ZNF561: variants seen among roughly 807,000 people sequenced by gnomAD.
The protein encoded by ZNF561 is zinc finger protein 561.
ZNF561 carries 16 observed loss-of-function variants against 16.7 expected under a neutral mutation model. The ratio of observed to expected loss-of-function variants is 0.96; its 90% CI spans 0.65 to 1.45. The LOEUF is 1.45. Ranked by LOEUF, ZNF561 falls within the 40% of genes most tolerant of loss-of-function variation. The pLI is 0.00. For synonymous variants in ZNF561, 190 were observed against 192.1 expected (o/e 0.99, Z 0.09); for missense variants, 580 against 578.0 (o/e 1.00, Z -0.04).
At position 9,621,146 on chromosome 19, in the gene ZNF561, A is replaced by G. The variant is rs1299604785; in HGVS notation, c.-127+16T>C. Reference sequence around the variant, plus strand: ...CCCCCTGCTATCCCCGGGACCGCCAAGGAGGTGGAACTCACCACAGCCTGG... The same window carrying G: ...CCCCCTGCTATCCCCGGGACCGCCAGGGAGGTGGAACTCACCACAGCCTGG... On this transcript the variant is annotated intron_variant, in intron 1 of 5. Transcript: ENST00000302851. The G allele has an allele frequency of 6.5e-6, 1 of 152,842 alleles. No homozygotes were observed. The highest frequency in any genetic ancestry group is 1.5e-5 in the Non-Finnish European group (1 of 68,238). 9.5% of individuals were successfully genotyped at this position (152,842 alleles called of 1,614,324 possible).
In ZNF561 at chr19:9,611,152, T is replaced by G. The variant is rs756580820; in HGVS notation, c.509A>C (p.Lys170Thr). 8 of 1,614,014 alleles carry G rather than the reference T, an allele frequency of 5.0e-6. No homozygotes were observed. The South Asian group carries it at 6.6e-5, about 13-fold the overall frequency. The change falls in exon 6 of 6, where the codon AAA (lysine) becomes ACA (threonine). Residue 170 changes from lysine (K) to threonine (T), a missense_variant. Lys to Thr is a moderately conservative substitution (Grantham distance 78). Transcript: ENST00000302851. ...AAAGACTTTTCCACATGGATTAAAT[T>G]TGGAAAGTTCCTGTCCAGTAGAGGC... The part of the protein sequence containing the change: ...KEASTGQELS[K>T]FNPCGKVFTL...
chr19:9,618,180 C>T lies in ZNF561; in HGVS notation c.26-1G>A, dbSNP rs536977505. 7.7e-6 allele frequency: 12 copies of T among 1,550,494 alleles called. No homozygotes were observed. In the East Asian group the frequency reaches 2.4e-4, roughly 32 times the overall value. On this transcript the variant is annotated splice_acceptor_variant, in intron 2 of 5. Coordinates refer to ENST00000302851, the MANE Select transcript of ZNF561 (RefSeq NM_152289.3). LOFTEE classifies it high-confidence loss of function. ...CAGATTGGTTCCCTGGAAAAAAACC[C>T]TAGTGGAAAAGTAAGAAGGCATGAG...
Position 9,619,515 on chromosome 19 carries a change from G to A in ZNF561, c.-59C>T, listed in dbSNP as rs2074620687. 7 of 1,596,654 alleles carry A rather than the reference G, an allele frequency of 4.4e-6. No individual in the cohort carries two copies. In the East Asian group the frequency reaches 1.1e-4, roughly 26 times the overall value. ...CTTCCTTGATGCCAAGATCACCTCA[G>A]GCCAGCTTATGAATCTAGGTGGATA... On this transcript the variant is annotated 5_prime_UTR_variant, in exon 2 of 6. Coordinates refer to ENST00000302851, the MANE Select transcript of ZNF561 (RefSeq NM_152289.3).
intron 3 of ZNF561, chr19:9,617,686 G>A (rs1314657396): frequency 2.2e-6 from 1 of 457,198 alleles, no homozygotes. Flanking sequence ...CTTGATCTCA[G>A]CACAACCAGG....
intron 4 of ZNF561, 129 bp from the exon 5 acceptor site, chr19:9,614,232 G>T: frequency 8.5e-7 from 1 of 1,181,024 alleles, no homozygotes; most frequent in Non-Finnish European, 1.2e-6. Context: ...GAGGATTTTG[G>T]TACATCAAAA....
intron 5 of ZNF561, among the ~76,000 whole-genome samples, chr19:9,611,969 C>T (rs1227248487): frequency 6.6e-6 from 1 of 152,134 alleles, no homozygotes; most frequent in Non-Finnish European, 1.5e-5. Context: ...GCTCTGTAGC[C>T]CAGGCTGGAG....
Position 9,610,352 on chromosome 19 carries a change from T to G in ZNF561, c.1309A>C (p.Asn437His), listed in dbSNP as rs1278127541. 1.2e-6 allele frequency: 2 copies of G among 1,614,048 alleles called. No homozygotes were observed. The highest frequency in any genetic ancestry group is 1.7e-6 in the Non-Finnish European group (2 of 1,180,032). ...GKAFLYSSRL[N>H]VHLRTHTGEK... The stretch of plus-strand genomic sequence containing the variant: ...CCGGTATGAGTTCGCAGGTGAACAT[T>G]AAGGCGTGAGGAATATAGAAATGCT... Residue 437 changes from asparagine (N) to histidine (H), a missense_variant, in exon 6 of 6, where the codon AAT (asparagine) becomes CAT (histidine). Asn to His is a moderately conservative substitution (Grantham distance 68). Coordinates refer to ENST00000302851, the MANE Select transcript of ZNF561 (RefSeq NM_152289.3).
chr19:9,610,154 T>A lies in ZNF561; in HGVS notation c.*46A>T. 6.7e-7 allele frequency: 1 copy of A among 1,495,454 alleles called. No homozygotes were observed. Among genetic ancestry groups the A allele is most frequent in the Non-Finnish European group, 9.0e-7 (1 of 1,114,860 alleles). 92.6% of individuals were successfully genotyped at this position (1,495,454 alleles called of 1,614,324 possible). ...CAAAAGGCATTTAGGACAAATCTGA[T>A]AATCTTTGGTGTCATTGCCAATAAT... On this transcript the variant is annotated 3_prime_UTR_variant, in exon 6 of 6. Coordinates refer to ENST00000302851, the MANE Select transcript of ZNF561 (RefSeq NM_152289.3).
intron 2 of ZNF561, among the ~76,000 whole-genome samples, chr19:9,618,795 A>G (rs934302734): frequency 6.6e-6 from 1 of 151,802 alleles, no homozygotes; most frequent in African/African-American, 2.4e-5. Flanking sequence ...AGCATTTCCT[A>G]AGGTACACAA....
intron 1 of ZNF561, chr19:9,620,905 G>A (rs113452140): frequency 0.025 from 3,835 of 152,440 alleles, 165 homozygotes; most frequent in African/African-American, 0.087. Context: ...GCCGGGCGTG[G>A]TGGCACTTGC....
intron 4 of ZNF561, 41 bp from the exon 5 acceptor site, chr19:9,614,144 G>A (rs1568233519): frequency 6.2e-7 from 1 of 1,600,634 alleles, no homozygotes; most frequent in Non-Finnish European, 8.5e-7. Flanking sequence ...ATTTAGAGAA[G>A]AAATATTCAT....
chr19:9,614,679 A>G (rs907962985), intron 4 of ZNF561, among the ~76,000 whole-genome samples: 1 of 152,170 alleles, frequency 6.6e-6, no homozygotes. Flanking sequence ...AGATCTAGAT[A>G]AACAGCATGT....
In ZNF561 at chr19:9,610,204, A is replaced by G. The variant is rs1467713247; in HGVS notation, c.1457T>C (p.Ile486Thr). ...PYECKDMSVT[I>T] Reference sequence around the variant, plus strand: ...TTAAAGATGGCAACCGATGGGCTAAATGGTAACACTCATATCCTTGCATTC... The same window carrying G: ...TTAAAGATGGCAACCGATGGGCTAAGTGGTAACACTCATATCCTTGCATTC... The change falls in exon 6 of 6, where the codon ATT (isoleucine) becomes ACT (threonine). Residue 486 changes from isoleucine to threonine, a missense_variant. By Grantham distance (89) the Ile-to-Thr change is moderately conservative. Coordinates refer to ENST00000302851, the MANE Select transcript of ZNF561 (RefSeq NM_152289.3). 9 of 1,574,100 alleles carry G rather than the reference A, an allele frequency of 5.7e-6. 1 individual carries two copies. The highest frequency in any genetic ancestry group is 7.8e-6 in the Non-Finnish European group (9 of 1,160,518).
chr19:9,611,450 A>T (rs1054399837), intron 5 of ZNF561, 114 bp from the exon 6 acceptor site: 10 of 1,149,592 alleles, frequency 8.7e-6, no homozygotes, highest in South Asian at 4.4e-5. Context: ...TTAATATTTA[A>T]TTTTTTTTTC....
chr19:9,612,576 T>C (rs546311278), intron 5 of ZNF561, among the ~76,000 whole-genome samples: 30 of 152,000 alleles, frequency 2.0e-4, no homozygotes, highest in Admixed American at 2.0e-4. Context: ...TCTCAAACTC[T>C]TCACAAAACC....
intron 2 of ZNF561, among the ~76,000 whole-genome samples, chr19:9,618,797 G>A (rs2074605906): frequency 6.6e-6 from 1 of 151,466 alleles, no homozygotes; most frequent in African/African-American, 2.4e-5. Flanking sequence ...CATTTCCTAA[G>A]GTACACAAAC....
intron 2 of ZNF561, chr19:9,619,025 T>G (rs1180170436): frequency 6.6e-6 from 1 of 152,132 alleles, no homozygotes; most frequent in Non-Finnish European, 1.5e-5. Flanking sequence ...TTGCAGTGAG[T>G]CGAGACCACA....
chr19:9,616,430 G>A (rs774330172), intron 4 of ZNF561, among the ~76,000 whole-genome samples: 4 of 151,828 alleles, frequency 2.6e-5, no homozygotes, highest in African/African-American at 4.8e-5. Context: ...ACAGGTGCCT[G>A]CCAACAAGTC....
intron 5 of ZNF561, 86 bp from the exon 6 acceptor site, chr19:9,611,422 C>G (rs541086980): frequency 7.5e-7 from 1 of 1,337,992 alleles, no homozygotes; most frequent in Non-Finnish European, 1.0e-6. Flanking sequence ...ATTTTGATGA[C>G]AATTATGATT....
Sources: gnomAD v4.1 joint callset for allele counts (sites outside exome capture counted in the v4.1 genomes callset) on GRCh38, gnomAD v4.1.1 for gene constraint, MANE v1.5 for transcripts, NCBI Gene and HGNC (gene_info 2026-07-23, HGNC 2026-07-21) for gene names.